PRKCH: variants seen among roughly 807,000 people sequenced by gnomAD.
PRKCH encodes the protein protein kinase C eta type.
PRKCH carries 28 observed loss-of-function variants against 82.5 expected under a neutral mutation model. The observed-to-expected ratio is 0.34, with a 90% CI of 0.25 to 0.47. The LOEUF (loss-of-function observed/expected upper bound fraction) is 0.47. PRKCH is among the 20% of genes least tolerant of loss of function. The pLI is 1.00. For missense variants in PRKCH, 705 were observed against 881.8 expected, an observed-to-expected ratio of 0.80 and a Z score of 2.54; for synonymous variants, 322 against 327.4, an observed-to-expected ratio of 0.98 and a Z score of 0.18.
chr14:61,361,904 A>G (rs1297633496), intron 1 of PRKCH, among the ~76,000 whole-genome samples: 1 of 152,228 alleles, frequency 6.6e-6, no homozygotes, highest in Non-Finnish European at 1.5e-5. Context: ...ATCAAACTAT[A>G]AGGAGGAAGG....
intron 2 of PRKCH, among the ~76,000 whole-genome samples, chr14:61,440,936 GGAGA>G (rs1448825223): frequency 2.5e-5 from 2 of 81,306 alleles, no homozygotes; most frequent in African/African-American, 3.4e-5. Context: ...TTTTTTTTTT[GGAGA>G]GAAAGTCTTG....
intron 12 of PRKCH, among the ~76,000 whole-genome samples, chr14:61,541,762 G>A (rs971319119): frequency 1.3e-5 from 2 of 152,192 alleles, no homozygotes; most frequent in African/African-American, 4.8e-5. Context: ...ATATTTTAGT[G>A]AGTAAAGTAC....
At chr14:61,334,337 G>T (rs187412139) in intron 1 of PRKCH, among the ~76,000 whole-genome samples, 1 of 152,322 alleles carries the variant, frequency 6.6e-6, no homozygotes, top group African/African-American at 2.4e-5. Context: ...GCACGATGAA[G>T]AAAATGACAA....
At chr14:61,468,568 A>G (rs186116927) in intron 9 of PRKCH, among the ~76,000 whole-genome samples, 253 of 152,302 alleles carry the variant, frequency 1.7e-3, no homozygotes, top group African/African-American at 5.8e-3. Context: ...GGCCACAAAA[A>G]TGAATAGGAA....
chr14:61,243,214 G>A (rs989799146), intron 1 of PRKCH, among the ~76,000 whole-genome samples: 20 of 151,680 alleles, frequency 1.3e-4, no homozygotes, highest in African/African-American at 4.8e-4. Context: ...GGCCAATATA[G>A]CAAAACCCCA....
chr14:61,436,205 G>A (rs553986545), intron 2 of PRKCH, among the ~76,000 whole-genome samples: 2 of 152,310 alleles, frequency 1.3e-5, no homozygotes, highest in South Asian at 2.1e-4. Flanking sequence ...GGCTCAGCTT[G>A]CGTGGATGCT....
chr14:61,247,735 C>CAAAAAAAAAAA (rs202153655), intron 1 of PRKCH, among the ~76,000 whole-genome samples: 8 of 52,702 alleles, frequency 1.5e-4, no homozygotes, highest in East Asian at 1.5e-3. Context: ...GACTCCATCT[C>CAAAAAAAAAAA]AAAAAAAAAA....
rs573624286 is a variant in PRKCH at position 61,293,106 on chromosome 14, C to T, written c.-19+105438C>T. On this transcript the variant is annotated intron_variant, in intron 1 of 3. Transcript: ENST00000555185. ...TAATAACATTAATAAAACATAAGCT[C>T]ATCTTCATTAACCTCCCAAGAGGGC... 3.3e-5 allele frequency among the ~76,000 whole-genome samples: 5 copies of T among 152,272 alleles called. No homozygotes were observed. The East Asian group carries it at 5.8e-4, about 18-fold the overall frequency.
At chr14:61,401,300 A>G (rs910640687) in intron 2 of PRKCH, among the ~76,000 whole-genome samples, 4 of 152,228 alleles carry the variant, frequency 2.6e-5, no homozygotes, top group Non-Finnish European at 5.9e-5. Context: ...CATAGGTATG[A>G]TAGCTCTATT....
chr14:61,398,503 G>A (rs2046817428), intron 2 of PRKCH, among the ~76,000 whole-genome samples: 4 of 152,232 alleles, frequency 2.6e-5, no homozygotes. Flanking sequence ...ATAGTTTGCA[G>A]TAAATGAAGT....
chr14:61,224,639 C>G (rs1408521900), intron 1 of PRKCH, among the ~76,000 whole-genome samples: 2 of 152,156 alleles, frequency 1.3e-5, no homozygotes. Context: ...GTAGGGGAAA[C>G]CACAGAGGTA....
At chr14:61,225,589 G>A (rs548033748) in intron 1 of PRKCH, among the ~76,000 whole-genome samples, 4 of 152,320 alleles carry the variant, frequency 2.6e-5, no homozygotes, top group African/African-American at 9.6e-5. Context: ...ATGGTTCTGG[G>A]AGAAATAGCT....
At position 61,207,842 on chromosome 14, in the gene PRKCH, C is replaced by T. The variant is rs1016255927; in HGVS notation, c.-19+20174C>T. Among the ~76,000 whole-genome samples, 7 of 152,306 alleles carry T rather than the reference C, an allele frequency of 4.6e-5. No individual in the cohort carries two copies. The East Asian group carries it at 1.4e-3, about 29-fold the overall frequency. ...AGCCAGAATTCAAATTCAGTGGTGA[C>T]AGACTAAAGACATGCTCTTCTCACT... On this transcript the variant is annotated intron_variant, in intron 1 of 3. Transcript: ENST00000555185.
At chr14:61,441,995 G>T (rs550390654) in intron 2 of PRKCH, among the ~76,000 whole-genome samples, 15 of 151,876 alleles carry the variant, frequency 9.9e-5, no homozygotes, top group South Asian at 2.1e-4. Flanking sequence ...ATATTTTTCT[G>T]TGTTTTCTTA....
At chr14:61,486,782 A>G (rs1029304918) in intron 10 of PRKCH, among the ~76,000 whole-genome samples, 14 of 151,646 alleles carry the variant, frequency 9.2e-5, no homozygotes, top group African/African-American at 3.4e-4. Context: ...CTAAAGTGCT[A>G]GGATTACAGG....
At chr14:61,462,732 C>T (rs1168420684) in intron 9 of PRKCH, among the ~76,000 whole-genome samples, 1 of 152,200 alleles carries the variant, frequency 6.6e-6, no homozygotes. Flanking sequence ...TGAACTGTGA[C>T]AGTCTCCCCT....
intron 1 of PRKCH, among the ~76,000 whole-genome samples, chr14:61,240,532 T>C (rs1304878745): frequency 6.6e-6 from 1 of 152,260 alleles, no homozygotes; most frequent in East Asian, 1.9e-4. Flanking sequence ...TGGGTGGACC[T>C]GGTTTCTAGC....
chr14:61,417,238 C>T (rs546868169), intron 2 of PRKCH, among the ~76,000 whole-genome samples: 1 of 152,304 alleles, frequency 6.6e-6, no homozygotes, highest in African/African-American at 2.4e-5. Context: ...GAAAGGGCTT[C>T]CTTCCTGTTG....
At chr14:61,529,905 TA>T (rs10545403) in intron 11 of PRKCH, among the ~76,000 whole-genome samples, 30 of 135,932 alleles carry the variant, frequency 2.2e-4, no homozygotes, top group Non-Finnish European at 3.1e-4. Context: ...TAAAGTATAA[TA>T]AAAAAAAATA....
Sources: allele counts gnomAD v4.1 joint callset (sites outside exome capture counted in the v4.1 genomes callset), GRCh38; gene constraint gnomAD v4.1.1; transcripts MANE v1.5; gene names NCBI Gene and HGNC (gene_info 2026-07-23, HGNC 2026-07-21).